IPO5: variants seen among roughly 807,000 people sequenced by gnomAD.
IPO5 encodes the protein importin-5.
IPO5 carries 18 observed loss-of-function variants against 143.3 expected under a neutral mutation model. The ratio of observed to expected loss-of-function variants is 0.13; its 90% confidence interval spans 0.09 to 0.19. The LOEUF is 0.19. Among genes scored for constraint, IPO5 ranks in the 10% least tolerant of loss-of-function variants. The probability of loss-of-function intolerance (pLI) is 1.00; values close to 1 mark genes in which losing one functional copy is unlikely to be tolerated. For synonymous variants in IPO5, 477 were observed against 465.7 expected, an observed-to-expected ratio of 1.02 and a Z score of -0.31; for missense variants, 1,013 against 1,336.9, an observed-to-expected ratio of 0.76 and a Z score of 3.78.
At chr13:97,968,362 T>C (rs1303008759) in intron 2 of IPO5, among the ~76,000 whole-genome samples, 1 of 152,232 alleles carries the variant, frequency 6.6e-6, no homozygotes, top group Non-Finnish European at 1.5e-5. Flanking sequence ...CTGCTGCTTT[T>C]GGGTGGAGTG....
chr13:98,019,997 A>T (rs939667642), intron 27 of IPO5, 188 bp downstream of exon 27: 3 of 477,652 alleles, frequency 6.3e-6, no homozygotes, highest in African/African-American at 5.8e-5. Flanking sequence ...TTGCCCTTAT[A>T]ATAAGGTCTA....
chr13:97,953,840 G>T (rs1884275776), intron 1 of IPO5, 124 bp downstream of exon 1: 1 of 446,542 alleles, frequency 2.2e-6, no homozygotes, highest in Non-Finnish European at 4.5e-6. Context: ...GGTCCCTTTA[G>T]CTCGTCTCCT....
chr13:97,976,647 G>T, intron 3 of IPO5, 46 bp from the exon 4 acceptor site: 1 of 881,998 alleles, frequency 1.1e-6, no homozygotes. Context: ...CCGCGAGCGC[G>T]CCTCACGGCT....
intron 13 of IPO5, 117 bp from the exon 14 acceptor site, chr13:98,002,350 C>T (rs1888874201): frequency 6.3e-6 from 6 of 951,842 alleles, no homozygotes; most frequent in Non-Finnish European, 9.5e-6. Flanking sequence ...TACATATACC[C>T]TTTTCAAAAA....
chr13:98,019,417 C>T (rs533246496), intron 26 of IPO5, among the ~76,000 whole-genome samples, 164 bp from the exon 27 acceptor site: 3 of 152,206 alleles, frequency 2.0e-5, no homozygotes, highest in Non-Finnish European at 2.9e-5. Context: ...GCAGTCCCCC[C>T]TCTGTTGCCA....
rs540299457 is a variant in IPO5 at position 98,005,997 on chromosome 13, C to T, written c.1498-133C>T. The T allele has an allele frequency of 2.3e-5, 15 of 645,452 alleles. No individual in the cohort carries two copies. The South Asian group carries it at 2.8e-4, about 12-fold the overall frequency. The allele number at this position is 645,452 out of a possible 1,614,324, so 40.0% of individuals were successfully genotyped here. A position where few individuals can be genotyped will look rare whatever the true frequency, so the allele number is the denominator to read the frequency against. On this transcript the variant is annotated intron_variant, in intron 16 of 28. Transcript: ENST00000651721. ...AGAAATTTCCTCCAAAACCTACAGT[C>T]TCTGCTTCTGGAGAGGTGGTCTCAT...
At position 98,002,411 on chromosome 13, in the gene IPO5, A is replaced by G. The variant is rs181750573; in HGVS notation, c.1109-56A>G. On this transcript the variant is annotated intron_variant, in intron 13 of 28. Transcript: ENST00000651721. ...GAACTTTTATACATCTCCCTCTACCAGAATGACATGTTTATAGTGTGTAAT... is the reference window on the plus strand; with the variant it reads ...GAACTTTTATACATCTCCCTCTACCGGAATGACATGTTTATAGTGTGTAAT... The G allele has an allele frequency of 2.5e-5, 39 of 1,548,024 alleles. No individual in the cohort carries two copies. In the East Asian group the frequency reaches 8.3e-4, roughly 33 times the overall value.
intron 2 of IPO5, among the ~76,000 whole-genome samples, chr13:97,965,755 T>TTGTGTG (rs35443379): frequency 2.5e-4 from 36 of 146,688 alleles, no homozygotes; most frequent in Admixed American, 6.9e-4. Context: ...TTCTAATAGT[T>TTGTGTG]TGTGTGTGTG....
At chr13:97,976,576 A>T (rs1886339918) in intron 3 of IPO5, 117 bp from the exon 4 acceptor site, 1 of 200,382 alleles carries the variant, frequency 5.0e-6, no homozygotes, top group Non-Finnish European at 9.6e-6. Context: ...GCCCCCCGCA[A>T]GCCCCGCGCC....
intron 21 of IPO5, among the ~76,000 whole-genome samples, chr13:98,013,498 T>G (rs1358824032): frequency 6.6e-6 from 1 of 152,180 alleles, no homozygotes; most frequent in African/African-American, 2.4e-5. Context: ...TGGTATCCTT[T>G]ACAGAAGACA....
intron 5 of IPO5, among the ~76,000 whole-genome samples, chr13:97,983,548 C>A (rs1245370273): frequency 9.2e-6 from 1 of 108,242 alleles, no homozygotes; most frequent in Non-Finnish European, 2.0e-5. Flanking sequence ...CCCCCCCCCC[C>A]CACCGTCCCC....
rs768775820 is a variant in IPO5, at chr13:97,976,687, G to T, written c.-4-6G>T. 2.3e-6 allele frequency: 3 copies of T among 1,323,764 alleles called. No individual in the cohort carries two copies. Among genetic ancestry groups the T allele is most frequent in the African/African-American group, 1.6e-5 (1 of 63,502 alleles). The allele number at this position is 1,323,764 out of a possible 1,614,324, so 82.0% of individuals were successfully genotyped here. ...TCTCCCCTCCCTCCTTCTCTCTCAC[G>T]CCTAGCGCAATGGCGGCGGCCGCGG... is the stretch of plus-strand genomic sequence containing the variant. On this transcript the variant is annotated splice_region_variant and splice_polypyrimidine_tract_variant and intron_variant, in intron 3 of 28. Coordinates refer to ENST00000651721, the MANE Select transcript of IPO5 (RefSeq NM_002271.6).
At chr13:98,014,848 T>G (rs1364563870) in intron 22 of IPO5, among the ~76,000 whole-genome samples, 1 of 152,048 alleles carries the variant, frequency 6.6e-6, no homozygotes, top group Non-Finnish European at 1.5e-5. Context: ...CTTTTTTTTT[T>G]TTTTCATTGC....
chr13:97,967,554 A>G (rs1885446919), intron 2 of IPO5, among the ~76,000 whole-genome samples: 1 of 152,138 alleles, frequency 6.6e-6, no homozygotes, highest in Admixed American at 6.5e-5. Context: ...AAGTGTCCCT[A>G]TGAGCATTGC....
At chr13:97,983,331 G>A (rs1326577146) in intron 5 of IPO5, among the ~76,000 whole-genome samples, 2 of 152,078 alleles carry the variant, frequency 1.3e-5, no homozygotes, top group East Asian at 1.9e-4. Context: ...TGGATGAAGT[G>A]TATGTACTAA....
chr13:97,972,045 T>C (rs887411059), intron 3 of IPO5, among the ~76,000 whole-genome samples: 1 of 152,220 alleles, frequency 6.6e-6, no homozygotes, highest in Non-Finnish European at 1.5e-5. Context: ...TCAGCTTACA[T>C]TGGTGTAGTT....
intron 16 of IPO5, among the ~76,000 whole-genome samples, chr13:98,004,047 C>T (rs115960721): frequency 2.4e-4 from 37 of 152,052 alleles, no homozygotes; most frequent in African/African-American, 8.4e-4. Context: ...GATGTAGATG[C>T]GAAAAGCAAG....
chr13:97,983,217 A>G (rs576029014), intron 5 of IPO5, among the ~76,000 whole-genome samples: 1 of 152,348 alleles, frequency 6.6e-6, no homozygotes, highest in Admixed American at 6.5e-5. Context: ...CCTTGAAACA[A>G]TTTATTCTAA....
intron 4 of IPO5, 35 bp from the exon 5 acceptor site, chr13:97,982,468 C>T: frequency 7.0e-7 from 1 of 1,421,240 alleles, no homozygotes; most frequent in South Asian, 1.2e-5. Flanking sequence ...AGTTTCCTAA[C>T]ATTCTTTCCT....
Sources: gnomAD v4.1 joint callset for allele counts (sites outside exome capture counted in the v4.1 genomes callset) on GRCh38, gnomAD v4.1.1 for gene constraint, MANE v1.5 for transcripts, NCBI Gene and HGNC (gene_info 2026-07-23, HGNC 2026-07-21) for gene names.